Variants in MYT1L observed in about 807,000 individuals in gnomAD.
MYT1L encodes myelin transcription factor 1-like protein.
MYT1L carries 12 observed loss-of-function variants against 126.7 expected under a neutral mutation model. The observed-to-expected ratio is 0.09, with a 90% confidence interval of 0.06 to 0.15. MYT1L has a LOEUF of 0.15. Ranked by LOEUF, MYT1L falls within the 10% of genes least tolerant of loss-of-function variation. The probability of loss-of-function intolerance (pLI) is 1.00; values close to 1 mark genes in which losing one functional copy is unlikely to be tolerated. For missense variants in MYT1L, 979 were observed against 1,585.2 expected, an observed-to-expected ratio of 0.62 and a Z score of 6.49; for synonymous variants, 541 against 604.2, an observed-to-expected ratio of 0.90 and a Z score of 1.53.
intron 3 of MYT1L, among the ~76,000 whole-genome samples, chr2:2,065,190 C>T (rs1372490251): frequency 6.6e-6 from 1 of 151,868 alleles, no homozygotes; most frequent in Non-Finnish European, 1.5e-5. Context: ...AGGGCAAGAT[C>T]CTGTTTCAAA....
intron 2 of MYT1L, among the ~76,000 whole-genome samples, chr2:2,280,368 T>G (rs76593697): frequency 6.6e-6 from 1 of 152,288 alleles, no homozygotes; most frequent in East Asian, 1.9e-4. Context: ...GCCTTGGTAA[T>G]AGGCATTATC....
At chr2:1,792,179 T>C in intron 24 of MYT1L, 142 bp downstream of exon 24, 1 of 1,269,742 alleles carries the variant, frequency 7.9e-7, no homozygotes, top group Non-Finnish European at 1.1e-6. Flanking sequence ...TTCTAGCAGT[T>C]AATGGTATGG....
chr2:2,094,460 GAC>G (rs1575121237), intron 3 of MYT1L, among the ~76,000 whole-genome samples: 1 of 152,120 alleles, frequency 6.6e-6, no homozygotes, highest in Non-Finnish European at 1.5e-5. Context: ...CTGCTATAAA[GAC>G]ACACGCACAT....
intron 2 of MYT1L, among the ~76,000 whole-genome samples, chr2:2,212,848 A>T (rs73177804): frequency 0.027 from 4,121 of 152,250 alleles, 178 homozygotes; most frequent in African/African-American, 0.093. Context: ...ACCTAGCTCA[A>T]TTCTCAACCT....
chr2:2,122,837 A>ATGTGTGTG lies in MYT1L; in HGVS notation c.-304+50027_-304+50034dup, dbSNP rs200951880. On this transcript the variant is annotated intron_variant, in intron 3 of 24. Transcript: ENST00000647738. ...TGTGGAACTGGGAGGGAGGATAGGAATGTGTGTGTGTGTGTGTGTGTGTGT... is the reference window on the plus strand; with the variant it reads ...TGTGGAACTGGGAGGGAGGATAGGAATGTGTGTGTGTGTGTGTGTGTGTGTGTGTGTGT... 1.9e-3 allele frequency among the ~76,000 whole-genome samples: 264 copies of ATGTGTGTG among 135,596 alleles called. 1 individual carries two copies. The highest frequency in any genetic ancestry group is 2.8e-3 in the African/African-American group (99 of 34,746). 89.0% of individuals were successfully genotyped at this position (135,596 alleles called of 152,430 possible).
At chr2:1,854,827 T>C (rs2148560956) in intron 18 of MYT1L, among the ~76,000 whole-genome samples, 1 of 152,302 alleles carries the variant, frequency 6.6e-6, no homozygotes, top group East Asian at 1.9e-4. Context: ...CTCCTTCTCT[T>C]GAGACGCCTC....
intron 2 of MYT1L, among the ~76,000 whole-genome samples, chr2:2,181,968 G>C (rs542643684): frequency 6.6e-6 from 1 of 152,102 alleles, no homozygotes; most frequent in African/African-American, 2.4e-5. Context: ...GCTGGGATGG[G>C]GACCCAGGTT....
intron 3 of MYT1L, among the ~76,000 whole-genome samples, chr2:2,140,860 C>T (rs955090119): frequency 2.0e-5 from 3 of 152,186 alleles, no homozygotes; most frequent in African/African-American, 7.2e-5. Context: ...TGAGCCACTG[C>T]GCCTGGCCTG....
chr2:2,319,548 T>C (rs2096124798), intron 1 of MYT1L, among the ~76,000 whole-genome samples: 1 of 152,110 alleles, frequency 6.6e-6, no homozygotes, highest in Admixed American at 6.5e-5. Flanking sequence ...TGCCGTTGAA[T>C]AGAGAATATG....
At chr2:1,981,678 T>C (rs968097191) in intron 5 of MYT1L, among the ~76,000 whole-genome samples, 1 of 152,184 alleles carries the variant, frequency 6.6e-6, no homozygotes, top group African/African-American at 2.4e-5. Flanking sequence ...GCTGCTGGCC[T>C]TTCTTGAGCA....
At chr2:2,031,899 C>T (rs2066332628) in intron 4 of MYT1L, among the ~76,000 whole-genome samples, 1 of 132,802 alleles carries the variant, frequency 7.5e-6, no homozygotes, top group African/African-American at 3.1e-5. Flanking sequence ...GGGCCTTATA[C>T]ACACACCCTC....
At chr2:2,321,493 TTAAAG>T (rs2096165360) in intron 1 of MYT1L, among the ~76,000 whole-genome samples, 1 of 152,118 alleles carries the variant, frequency 6.6e-6, no homozygotes, top group African/African-American at 2.4e-5. Flanking sequence ...TGGGCCGAAT[TTAAAG>T]TAAGCCCTTA....
intron 23 of MYT1L, among the ~76,000 whole-genome samples, chr2:1,797,120 G>C (rs1004677139): frequency 2.0e-4 from 31 of 152,174 alleles, no homozygotes; most frequent in African/African-American, 7.2e-4. Flanking sequence ...AGCCCTTGAA[G>C]CTGAGGCCAC....
intron 3 of MYT1L, among the ~76,000 whole-genome samples, chr2:2,159,249 T>C (rs2087371252): frequency 6.6e-6 from 1 of 152,162 alleles, no homozygotes; most frequent in Admixed American, 6.5e-5. Flanking sequence ...GCAATCCTTA[T>C]TGAGTCCACA....
intron 3 of MYT1L, among the ~76,000 whole-genome samples, chr2:2,158,914 G>A (rs920701905): frequency 5.3e-5 from 8 of 152,152 alleles, no homozygotes; most frequent in Admixed American, 2.0e-4. Context: ...GGGCTCCAGG[G>A]CCTCGTGCCA....
rs560686320 is a variant in MYT1L, at chr2:2,319,861, C to A, written c.-521+11106G>T. Among the ~76,000 whole-genome samples, 9 of 152,078 alleles carry A rather than the reference C, an allele frequency of 5.9e-5. No individual in the cohort carries two copies. The East Asian group carries it at 1.7e-3, about 30-fold the overall frequency. On this transcript the variant is annotated intron_variant, in intron 1 of 24. Transcript: ENST00000647738. ...TTACTCAGTTCTATCTCATTTGGCTCTGCACATAGTAGGTACTCAATATAT... is the reference window on the plus strand; with the variant it reads ...TTACTCAGTTCTATCTCATTTGGCTATGCACATAGTAGGTACTCAATATAT...
Position 1,923,055 on chromosome 2 carries a change from G to C in MYT1L, c.714C>G (p.Asp238Glu). ...TTTTCCGACCCAGGTTTTCGTTTTTGTCACTATCGTCTTCCAGACTATTGG... is the reference window on the plus strand; with the variant it reads ...TTTTCCGACCCAGGTTTTCGTTTTTCTCACTATCGTCTTCCAGACTATTGG... The part of the protein sequence containing the change: ...NTSNSLEDDS[D>E]KNENLGRKSE... Residue 238 changes from aspartate to glutamate, a missense_variant, in exon 10 of 25, where the codon GAC becomes GAG. Physicochemically the swap from Asp to Glu is conservative, Grantham distance 45. Around this residue, in one of 12 missense-constraint regions of MYT1L, gnomAD observed 243 missense variants for 363.9 expected, o/e 0.67. Transcript: ENST00000647738. 1 of 1,613,944 alleles carries C rather than the reference G, an allele frequency of 6.2e-7. No individual in the cohort carries two copies. Among genetic ancestry groups the C allele is most frequent in the Non-Finnish European group, 8.5e-7 (1 of 1,179,888 alleles).
At chr2:2,143,062 G>A (rs1383797889) in intron 3 of MYT1L, among the ~76,000 whole-genome samples, 4 of 150,916 alleles carry the variant, frequency 2.7e-5, no homozygotes, top group South Asian at 2.1e-4. Context: ...AGGCCGAGGC[G>A]GGCAGATCAT....
chr2:2,036,779 C>T (rs1574715601), intron 4 of MYT1L, among the ~76,000 whole-genome samples: 1 of 152,214 alleles, frequency 6.6e-6, no homozygotes, highest in East Asian at 1.9e-4. Context: ...GCATTCAAAT[C>T]TCCAATCTGT....
Sources: allele counts gnomAD v4.1 joint callset (sites outside exome capture counted in the v4.1 genomes callset), GRCh38; gene constraint gnomAD v4.1.1; regional missense constraint gnomAD v4.1.1; transcripts MANE v1.5; gene names NCBI Gene and HGNC (gene_info 2026-07-23, HGNC 2026-07-21).